Variants in PRUNE1 observed in about 807,000 individuals in gnomAD.
The protein encoded by PRUNE1 is prune exopolyphosphatase 1.
PRUNE1 carries 25 observed loss-of-function variants against 42.5 expected under a neutral mutation model. That is an observed-to-expected ratio of 0.59 (90% CI 0.43 to 0.82). PRUNE1 has a LOEUF of 0.82. Ranked by LOEUF, PRUNE1 falls within the 40% of genes least tolerant of loss-of-function variation. PRUNE1 has a pLI of 0.00. For synonymous variants in PRUNE1, 203 were observed against 217.1 expected (o/e 0.93, Z 0.57); for missense variants, 443 against 539.3 (o/e 0.82, Z 1.77).
At chr1:151,018,889 A>G (rs962326651) in intron 3 of PRUNE1, among the ~76,000 whole-genome samples, 1 of 152,030 alleles carries the variant, frequency 6.6e-6, no homozygotes, top group African/African-American at 2.4e-5. Context: ...CTAAAAATAT[A>G]AAAATTAGCT....
At chr1:151,008,842 C>T (rs748000579) in intron 1 of PRUNE1, 171 bp downstream of exon 1, 3 of 837,956 alleles carry the variant, frequency 3.6e-6, no homozygotes, top group Non-Finnish European at 6.0e-6. Flanking sequence ...AGCGAGAAGC[C>T]AGTTTAGGAG....
intron 7 of PRUNE1, among the ~76,000 whole-genome samples, chr1:151,033,328 GC>G (rs1675353446): frequency 6.7e-6 from 1 of 150,296 alleles, no homozygotes; most frequent in Non-Finnish European, 1.5e-5. Context: ...CAGGTGATCG[GC>G]CCCCTTTAGC....
chr1:151,017,517 C>T (rs896456309), intron 1 of PRUNE1, among the ~76,000 whole-genome samples: 3 of 151,982 alleles, frequency 2.0e-5, no homozygotes, highest in African/African-American at 4.8e-5. Flanking sequence ...CTTTGGATCT[C>T]GAGCCCAGGA....
At chr1:151,021,628 C>T (rs1455901557) in intron 3 of PRUNE1, among the ~76,000 whole-genome samples, 1 of 152,004 alleles carries the variant, frequency 6.6e-6, no homozygotes, top group Non-Finnish European at 1.5e-5. Flanking sequence ...TTTTCTTGAG[C>T]ACATTGTGGT....
At chr1:151,008,786 G>A in intron 1 of PRUNE1, 115 bp downstream of exon 1, 1 of 1,364,460 alleles carries the variant, frequency 7.3e-7, no homozygotes, top group South Asian at 1.2e-5. Flanking sequence ...TGAGTTGTGG[G>A]GAGGGGGGTT....
chr1:151,014,308 G>C (rs1673964948), intron 1 of PRUNE1, among the ~76,000 whole-genome samples: 1 of 152,188 alleles, frequency 6.6e-6, no homozygotes, highest in Non-Finnish European at 1.5e-5. Flanking sequence ...TAGACTTAGA[G>C]AAATAGGCAT....
At chr1:151,031,244 A>G (rs78546622) in intron 7 of PRUNE1, among the ~76,000 whole-genome samples, 8,176 of 144,636 alleles carry the variant, frequency 0.057, 754 homozygotes, top group African/African-American at 0.2. Flanking sequence ...CTGGAGTGGT[A>G]CAATGGCACT....
intron 7 of PRUNE1, among the ~76,000 whole-genome samples, chr1:151,033,277 G>C (rs587740457): frequency 3.4e-5 from 5 of 148,956 alleles, no homozygotes; most frequent in African/African-American, 1.2e-4. Flanking sequence ...TAGAGATGGG[G>C]TTTCTCCATG....
intron 7 of PRUNE1, among the ~76,000 whole-genome samples, chr1:151,031,189 G>GT (rs1368097111): frequency 1.1e-4 from 14 of 126,914 alleles, no homozygotes; most frequent in African/African-American, 2.3e-4. Context: ...GTGTGTGTGT[G>GT]TGTGTTTTTT....
chr1:151,032,543 G>GATGTAA (rs1675299239), intron 7 of PRUNE1, among the ~76,000 whole-genome samples: 1 of 151,804 alleles, frequency 6.6e-6, no homozygotes, highest in African/African-American at 2.4e-5. Flanking sequence ...GTGTAACCCC[G>GATGTAA]TCTCCACTAA....
intron 1 of PRUNE1, 47 bp from the exon 2 acceptor site, chr1:151,017,765 A>G: frequency 8.2e-7 from 1 of 1,226,762 alleles, no homozygotes; most frequent in Non-Finnish European, 1.2e-6. Flanking sequence ...ATAAGTGGAA[A>G]TGAATAGAGA....
intron 7 of PRUNE1, among the ~76,000 whole-genome samples, chr1:151,033,350 G>A (rs1401753505): frequency 6.6e-6 from 1 of 150,846 alleles, no homozygotes; most frequent in Non-Finnish European, 1.5e-5. Context: ...CTCCCAAAGT[G>A]CTGGGATTAC....
At chr1:151,016,205 C>G (rs1268644487) in intron 1 of PRUNE1, among the ~76,000 whole-genome samples, 2 of 152,016 alleles carry the variant, frequency 1.3e-5, no homozygotes, top group Non-Finnish European at 2.9e-5. Context: ...ACACTGCACT[C>G]CAGCCTGGGC....
chr1:151,017,534 G>T lies in PRUNE1; in HGVS notation c.40-278G>T, dbSNP rs141454692. On this transcript the variant is annotated intron_variant, in intron 1 of 7. Coordinates refer to ENST00000271620, the MANE Select transcript of PRUNE1 (RefSeq NM_021222.3). Reference sequence around the variant, plus strand: ...TTGGATCTCGAGCCCAGGAGTTTGAGACCAGCCTGTGCAACATGGCAAAAT... The same window carrying T: ...TTGGATCTCGAGCCCAGGAGTTTGATACCAGCCTGTGCAACATGGCAAAAT... Among the ~76,000 whole-genome samples, 343 of 152,042 alleles carry T rather than the reference G, an allele frequency of 2.3e-3. 1 individual carries two copies. Among genetic ancestry groups the T allele is most frequent in the Middle Eastern group, 6.8e-3 (2 of 294 alleles).
chr1:151,009,199 A>G (rs1673583111), intron 1 of PRUNE1, among the ~76,000 whole-genome samples: 1 of 152,152 alleles, frequency 6.6e-6, no homozygotes, highest in Admixed American at 6.6e-5. Flanking sequence ...TTTCTAGGTT[A>G]GAAGTAGTCA....
At chr1:151,031,477 A>C (rs893505488) in intron 7 of PRUNE1, among the ~76,000 whole-genome samples, 1 of 152,056 alleles carries the variant, frequency 6.6e-6, no homozygotes, top group Non-Finnish European at 1.5e-5. Flanking sequence ...GTGGGCCACT[A>C]TGCCCAGCCA....
At chr1:151,028,715 G>A (rs1473765950) in intron 6 of PRUNE1, 71 bp from the exon 7 acceptor site, 12 of 1,525,052 alleles carry the variant, frequency 7.9e-6, no homozygotes, top group Non-Finnish European at 2.7e-6. Context: ...AAGCGACCGT[G>A]CCCGGCCCAA....
At position 151,024,670 on chromosome 1, in the gene PRUNE1, C is replaced by G. The variant is rs746220085; in HGVS notation, c.395C>G (p.Pro132Arg). Residue 132 changes from proline (P) to arginine (R), a missense_variant, in exon 4 of 8, where the codon CCG (proline) becomes CGG (arginine). Physicochemically the swap from Pro to Arg is moderately radical, Grantham distance 103. Coordinates refer to ENST00000271620, the MANE Select transcript of PRUNE1 (RefSeq NM_021222.3). ...AEVLDHRPIE[P>R]KHCPPCHVSV... ...GTGCTAGACCATCGACCCATCGAGC[C>G]GAAACACTGCCCTCCCTGCCATGTT... The G allele has an allele frequency of 5.6e-6, 9 of 1,613,678 alleles. No homozygotes were observed. In the East Asian group the frequency reaches 8.9e-5, roughly 16 times the overall value.
intron 1 of PRUNE1, among the ~76,000 whole-genome samples, chr1:151,015,757 T>C (rs1014005495): frequency 5.9e-5 from 9 of 151,850 alleles, no homozygotes; most frequent in African/African-American, 2.2e-4. Context: ...TGAGCCGTGA[T>C]TGCGCCATGC....
Sources: allele counts gnomAD v4.1 joint callset (sites outside exome capture counted in the v4.1 genomes callset), GRCh38; gene constraint gnomAD v4.1.1; transcripts MANE v1.5; gene names NCBI Gene and HGNC (gene_info 2026-07-23, HGNC 2026-07-21).